Variants in EPHA6 observed in about 807,000 individuals in gnomAD.
EPHA6 encodes ephrin type-A receptor 6.
EPHA6 carries 50 observed loss-of-function variants against 112.0 expected under a neutral mutation model. The observed-to-expected ratio is 0.45, with a 90% CI of 0.36 to 0.56. The LOEUF is 0.56. EPHA6 is among the 20% of genes least tolerant of loss of function. EPHA6 has a pLI of 0.00. For synonymous variants in EPHA6, 529 were observed against 490.7 expected (o/e 1.08, Z -1.03); for missense variants, 1,280 against 1,417.4 (o/e 0.90, Z 1.56).
intron 5 of EPHA6, among the ~76,000 whole-genome samples, chr3:97,338,973 T>C (rs60161637): frequency 0.092 from 14,069 of 152,202 alleles, 1,979 homozygotes; most frequent in African/African-American, 0.3. Flanking sequence ...TCTACTACTA[T>C]ATTGGCTCAT....
intron 2 of EPHA6, among the ~76,000 whole-genome samples, chr3:96,952,518 T>C (rs2107724828): frequency 6.6e-6 from 1 of 152,322 alleles, no homozygotes; most frequent in African/African-American, 2.4e-5. Flanking sequence ...CTTGCCTTTC[T>C]GCCATGTTAT....
At chr3:96,822,304 G>C (rs2033321549) in intron 1 of EPHA6, among the ~76,000 whole-genome samples, 1 of 151,876 alleles carries the variant, frequency 6.6e-6, no homozygotes, top group Non-Finnish European at 1.5e-5. Flanking sequence ...AATTCATGTT[G>C]AAGATGCTAA....
intron 12 of EPHA6, among the ~76,000 whole-genome samples, chr3:97,599,759 T>C (rs2093627491): frequency 6.6e-6 from 1 of 152,208 alleles, no homozygotes; most frequent in Non-Finnish European, 1.5e-5. Context: ...GGCTCCTTTT[T>C]GGTTCCATAT....
chr3:97,223,265 T>A (rs1291657804), intron 3 of EPHA6, among the ~76,000 whole-genome samples: 1 of 152,184 alleles, frequency 6.6e-6, no homozygotes, highest in African/African-American at 2.4e-5. Flanking sequence ...GATTTAAAAA[T>A]TAAATGCATC....
At chr3:96,955,172 A>G (rs1018736106) in intron 2 of EPHA6, among the ~76,000 whole-genome samples, 5 of 152,170 alleles carry the variant, frequency 3.3e-5, no homozygotes, top group Admixed American at 6.5e-5. Flanking sequence ...TATGTAGAAC[A>G]TGTTTCTAAT....
chr3:97,306,830 G>GT (rs2081340351), intron 5 of EPHA6, among the ~76,000 whole-genome samples: 1 of 150,732 alleles, frequency 6.6e-6, no homozygotes, highest in Non-Finnish European at 1.5e-5. Flanking sequence ...TACCAGTTAT[G>GT]TAAAAAAAAT....
Position 97,330,289 on chromosome 3 carries a change from T to A in EPHA6, c.1607-74861T>A, listed in dbSNP as rs533833435. On this transcript the variant is annotated intron_variant, in intron 5 of 17. Coordinates refer to ENST00000389672, the MANE Select transcript of EPHA6 (RefSeq NM_001080448.3). The stretch of plus-strand genomic sequence containing the variant: ...TTTGTTCTTTAGGCTTAGGATTGAC[T>A]TGGCAATGTGGGCTCTTTTTTGGTT... 2.2e-3 allele frequency among the ~76,000 whole-genome samples: 328 copies of A among 152,290 alleles called. 1 individual carries two copies. Among genetic ancestry groups the A allele is most frequent in the African/African-American group, 7.0e-3 (292 of 41,566 alleles).
At chr3:97,147,660 T>C (rs1026040011) in intron 3 of EPHA6, among the ~76,000 whole-genome samples, 2 of 152,104 alleles carry the variant, frequency 1.3e-5, no homozygotes, top group African/African-American at 2.4e-5. Context: ...GGAAAAACTA[T>C]AAAAACATTC....
intron 2 of EPHA6, among the ~76,000 whole-genome samples, chr3:96,961,531 A>C (rs2041948782): frequency 6.6e-6 from 1 of 152,198 alleles, no homozygotes; most frequent in Admixed American, 6.5e-5. Flanking sequence ...TACTTCGCTT[A>C]ATAAATTGAT....
intron 2 of EPHA6, among the ~76,000 whole-genome samples, chr3:96,985,280 G>A (rs893103942): frequency 6.6e-6 from 1 of 152,090 alleles, no homozygotes; most frequent in African/African-American, 2.4e-5. Flanking sequence ...CATTCCCTGA[G>A]AAGTGAAATC....
intron 2 of EPHA6, among the ~76,000 whole-genome samples, chr3:96,983,614 G>A (rs1315579950): frequency 3.3e-5 from 5 of 152,142 alleles, no homozygotes; most frequent in African/African-American, 9.7e-5. Flanking sequence ...TGCTAGGTTG[G>A]GGAGGTTCTT....
intron 3 of EPHA6, among the ~76,000 whole-genome samples, chr3:97,009,653 C>A (rs1284134370): frequency 2.6e-5 from 4 of 152,250 alleles, no homozygotes; most frequent in Non-Finnish European, 5.9e-5. Flanking sequence ...GTTTCGTTGG[C>A]TTAAGCAGAT....
chr3:97,675,443 G>A (rs1215888437), intron 14 of EPHA6, among the ~76,000 whole-genome samples: 1 of 152,128 alleles, frequency 6.6e-6, no homozygotes, highest in Admixed American at 6.6e-5. Context: ...TCTTGACACT[G>A]CACTCCAGCC....
intron 15 of EPHA6, among the ~76,000 whole-genome samples, chr3:97,722,445 A>G (rs1448206926): frequency 2.0e-5 from 3 of 152,168 alleles, no homozygotes; most frequent in Admixed American, 6.5e-5. Flanking sequence ...AAACTCTCAT[A>G]GTGGTGACTT....
chr3:97,749,991 C>T lies in EPHA6; in HGVS notation c.*1290C>T, dbSNP rs2035856310. On this transcript the variant is annotated 3_prime_UTR_variant, in exon 18 of 18. Coordinates refer to ENST00000389672, the MANE Select transcript of EPHA6 (RefSeq NM_001080448.3). Reference sequence around the variant, plus strand: ...AACACAGCTGTGTTGTCATAATCTTCTGAGAGGCTTAAAAAACAAAGGTAA... The same window carrying T: ...AACACAGCTGTGTTGTCATAATCTTTTGAGAGGCTTAAAAAACAAAGGTAA... 6.6e-6 allele frequency among the ~76,000 whole-genome samples: 1 copy of T among 152,096 alleles called. No homozygotes were observed. The highest frequency in any genetic ancestry group is 1.5e-5 in the Non-Finnish European group (1 of 68,016).
chr3:97,475,490 G>A, intron 8 of EPHA6, 30 bp downstream of exon 8: 1 of 1,459,214 alleles, frequency 6.9e-7, no homozygotes, highest in Non-Finnish European at 9.5e-7. Context: ...CTATTTCCGA[G>A]ATTTATGAAT....
chr3:97,022,066 A>C (rs2044480751), intron 3 of EPHA6, among the ~76,000 whole-genome samples: 1 of 152,182 alleles, frequency 6.6e-6, no homozygotes, highest in Admixed American at 6.5e-5. Context: ...GCATTGAGAA[A>C]ACATTTGTTG....
intron 10 of EPHA6, among the ~76,000 whole-genome samples, chr3:97,530,902 G>A (rs575669945): frequency 2.0e-4 from 31 of 152,100 alleles, no homozygotes; most frequent in African/African-American, 7.2e-4. Context: ...GCATTTAGTT[G>A]ACTGTGATAA....
At chr3:97,359,156 G>A (rs2084234483) in intron 5 of EPHA6, among the ~76,000 whole-genome samples, 1 of 150,216 alleles carries the variant, frequency 6.7e-6, no homozygotes, top group African/African-American at 2.5e-5. Flanking sequence ...TCTTTTCTCT[G>A]TCTCTTCTTC....
Sources: gnomAD v4.1 joint callset for allele counts (sites outside exome capture counted in the v4.1 genomes callset) on GRCh38, gnomAD v4.1.1 for gene constraint, MANE v1.5 for transcripts, NCBI Gene and HGNC (gene_info 2026-07-23, HGNC 2026-07-21) for gene names.